The following CRIM1 variants were observed in gnomAD, a reference collection of about 807,000 sequenced individuals.
CRIM1 encodes the protein cysteine-rich motor neuron 1 protein.
CRIM1 carries 32 observed loss-of-function variants against 116.4 expected under a neutral mutation model. The observed-to-expected ratio is 0.27, with a 90% CI of 0.21 to 0.37. The LOEUF is 0.37. CRIM1 is among the 10% of genes least tolerant of loss of function. The pLI is 1.00. For synonymous variants in CRIM1, 590 were observed against 509.2 expected, an observed-to-expected ratio of 1.16 and a Z score of -2.13; for missense variants, 1,331 against 1,354.8, an observed-to-expected ratio of 0.98 and a Z score of 0.28.
intron 13 of CRIM1, chr2:36,532,004 C>T (rs1276498216): frequency 2.1e-6 from 1 of 470,288 alleles, no homozygotes; most frequent in African/African-American, 2.0e-5. Flanking sequence ...TCTTTGTATT[C>T]TTGCAGAGAC....
intron 7 of CRIM1, among the ~76,000 whole-genome samples, chr2:36,496,297 G>T (rs888887206): frequency 2.0e-5 from 3 of 152,166 alleles, no homozygotes; most frequent in Non-Finnish European, 2.9e-5. Flanking sequence ...GACTATTGTT[G>T]TGTTCACCCT....
Position 36,522,226 on chromosome 2 carries a change from G to A in CRIM1, c.2341G>A (p.Val781Ile), listed in dbSNP as rs59929305. ...TACCAGCTGCATCTGCATTGATAGC[G>A]TAATTAGCTGTTTCTCTGAGTCCTG... ...VCTSCICIDS[V>I]ISCFSESCPS... is the part of the protein sequence containing the mutation. Residue 781 changes from valine to isoleucine, a missense_variant, in exon 13 of 17, where the codon GTA becomes ATA. Physicochemically the swap from Val to Ile is conservative, Grantham distance 29 (BLOSUM62 3). Coordinates refer to ENST00000280527, the MANE Select transcript of CRIM1 (RefSeq NM_016441.3). 3.3e-4 allele frequency: 531 copies of A among 1,614,102 alleles called. No individual in the cohort carries two copies. The African/African-American group carries it at 5.4e-3, about 16-fold the overall frequency.
At chr2:36,387,199 C>A (rs1671231281) in intron 1 of CRIM1, among the ~76,000 whole-genome samples, 1 of 152,228 alleles carries the variant, frequency 6.6e-6, no homozygotes, top group African/African-American at 2.4e-5. Flanking sequence ...GGATAAAACA[C>A]TGTGAACCAG....
At chr2:36,375,137 C>G (rs983012949) in intron 1 of CRIM1, among the ~76,000 whole-genome samples, 2 of 151,950 alleles carry the variant, frequency 1.3e-5, no homozygotes, top group Non-Finnish European at 2.9e-5. Context: ...ATGCCGTATG[C>G]TTTGCATATG....
chr2:36,461,937 T>C (rs1677611640), intron 4 of CRIM1, among the ~76,000 whole-genome samples: 1 of 152,214 alleles, frequency 6.6e-6, no homozygotes, highest in South Asian at 2.1e-4. Flanking sequence ...TCATCAGCTC[T>C]TTCTTGATTA....
intron 1 of CRIM1, among the ~76,000 whole-genome samples, chr2:36,394,819 C>G (rs1290708640): frequency 1.3e-5 from 2 of 152,050 alleles, no homozygotes; most frequent in Non-Finnish European, 2.9e-5. Flanking sequence ...AAGAGATTTT[C>G]TATTCTCCCT....
At chr2:36,508,022 T>C (rs919167948) in intron 8 of CRIM1, among the ~76,000 whole-genome samples, 3 of 152,226 alleles carry the variant, frequency 2.0e-5, no homozygotes, top group Admixed American at 6.5e-5. Context: ...ACAATTGACA[T>C]CTGTGTTAGA....
intron 12 of CRIM1, 87 bp from the exon 13 acceptor site, chr2:36,522,005 T>C (rs1665426320): frequency 6.4e-6 from 7 of 1,087,116 alleles, no homozygotes; most frequent in African/African-American, 1.5e-5. Context: ...AAAGCCATCA[T>C]GACTGGGTGT....
chr2:36,454,446 G>A (rs1317050166), intron 4 of CRIM1, among the ~76,000 whole-genome samples: 1 of 152,142 alleles, frequency 6.6e-6, no homozygotes, highest in African/African-American at 2.4e-5. Flanking sequence ...CATCATGGAA[G>A]AAGTGATCGT....
intron 13 of CRIM1, 57 bp from the exon 14 acceptor site, chr2:36,537,295 T>G: frequency 6.7e-7 from 1 of 1,485,940 alleles, no homozygotes; most frequent in African/African-American, 1.4e-5. Context: ...TCACGTCTAA[T>G]AAGATCGTGT....
At chr2:36,475,983 A>AT (rs545199172) in intron 5 of CRIM1, among the ~76,000 whole-genome samples, 16 of 149,528 alleles carry the variant, frequency 1.1e-4, no homozygotes, top group African/African-American at 2.5e-4. Context: ...TCTGCTAGTA[A>AT]TTTTTTTTAA....
chr2:36,486,578 A>G (rs1679833650), intron 7 of CRIM1, among the ~76,000 whole-genome samples: 1 of 152,216 alleles, frequency 6.6e-6, no homozygotes, highest in Admixed American at 6.5e-5. Flanking sequence ...CTGAGTTTAC[A>G]GAGCTCAGCT....
intron 1 of CRIM1, among the ~76,000 whole-genome samples, chr2:36,360,199 G>C (rs1366238220): frequency 6.6e-6 from 1 of 152,232 alleles, no homozygotes; most frequent in Non-Finnish European, 1.5e-5. Context: ...CAAGGTGAGA[G>C]AGCATGACCA....
At position 36,451,757 on chromosome 2, in the gene CRIM1, C is replaced by T. The variant is rs1222680005; in HGVS notation, c.869+9022C>T. 2.0e-5 allele frequency among the ~76,000 whole-genome samples: 3 copies of T among 152,138 alleles called. No homozygotes were observed. The East Asian group carries it at 5.8e-4, about 29-fold the overall frequency. On this transcript the variant is annotated intron_variant, in intron 4 of 16. Transcript: ENST00000280527. Reference sequence around the variant, plus strand: ...GGATCACGCAAGAGTCAGAGGCTGTCAACACAGTGCGCATCAACCCAACCT... The same window carrying T: ...GGATCACGCAAGAGTCAGAGGCTGTTAACACAGTGCGCATCAACCCAACCT...
intron 13 of CRIM1, among the ~76,000 whole-genome samples, chr2:36,527,864 A>G (rs1032042210): frequency 6.6e-6 from 1 of 151,962 alleles, no homozygotes; most frequent in Non-Finnish European, 1.5e-5. Context: ...TCTCCAGTGT[A>G]TTTTCTTAAA....
At chr2:36,506,181 TCACA>T (rs3076519) in intron 8 of CRIM1, among the ~76,000 whole-genome samples, 26,565 of 119,680 alleles carry the variant, frequency 0.22, 2,600 homozygotes, top group Middle Eastern at 0.38. Context: ...TCTCTCTCTC[TCACA>T]CACACACACA....
intron 2 of CRIM1, among the ~76,000 whole-genome samples, chr2:36,399,349 C>A (rs748226219): frequency 5.9e-5 from 9 of 152,140 alleles, no homozygotes; most frequent in Non-Finnish European, 1.3e-4. Flanking sequence ...TCAAGAGGCT[C>A]GTTGGAGAGC....
chr2:36,544,292 G>C (rs1025966821), intron 14 of CRIM1, 84 bp from the exon 15 acceptor site: 20 of 1,197,780 alleles, frequency 1.7e-5, no homozygotes, highest in Non-Finnish European at 2.2e-5. Flanking sequence ...GTCTTGAATT[G>C]AGTGCACCAT....
At chr2:36,462,312 T>C (rs1677643944) in intron 4 of CRIM1, among the ~76,000 whole-genome samples, 1 of 152,226 alleles carries the variant, frequency 6.6e-6, no homozygotes, top group Non-Finnish European at 1.5e-5. Flanking sequence ...CTCTATGCAA[T>C]ATATGTCTAT....
Sources: allele counts gnomAD v4.1 joint callset (sites outside exome capture counted in the v4.1 genomes callset), GRCh38; gene constraint gnomAD v4.1.1; transcripts MANE v1.5; gene names NCBI Gene and HGNC (gene_info 2026-07-23, HGNC 2026-07-21).